Variants in GPC5 observed in about 807,000 individuals in gnomAD.
GPC5 encodes glypican 5.
GPC5 carries 47 observed loss-of-function variants against 53.9 expected under a neutral mutation model. The observed-to-expected ratio is 0.87, with a 90% CI of 0.69 to 1.11. GPC5 has a LOEUF of 1.11. GPC5 is among the 50% of genes most tolerant of loss of function. The probability of loss-of-function intolerance (pLI) is 0.00; values close to 1 mark genes in which losing one functional copy is unlikely to be tolerated. For missense variants in GPC5, 748 were observed against 713.1 expected, an observed-to-expected ratio of 1.05 and a Z score of -0.56; for synonymous variants, 286 against 263.3, an observed-to-expected ratio of 1.09 and a Z score of -0.84.
chr13:91,404,711 A>G (rs1486672116), intron 1 of GPC5, among the ~76,000 whole-genome samples: 1 of 152,240 alleles, frequency 6.6e-6, no homozygotes, highest in South Asian at 2.1e-4. Flanking sequence ...GTGTACCTTT[A>G]TAGAAAGAAA....
At chr13:91,640,272 G>T (rs1283995502) in intron 2 of GPC5, among the ~76,000 whole-genome samples, 1 of 152,036 alleles carries the variant, frequency 6.6e-6, no homozygotes, top group Non-Finnish European at 1.5e-5. Flanking sequence ...AATCTACAAT[G>T]AACTTAAACA....
intron 7 of GPC5, among the ~76,000 whole-genome samples, chr13:92,629,208 C>T (rs561317857): frequency 2.6e-5 from 4 of 152,294 alleles, no homozygotes; most frequent in Middle Eastern, 3.4e-3. Context: ...GAAATGGTAA[C>T]TCAAATCCTT....
At chr13:91,608,406 A>T (rs887560028) in intron 2 of GPC5, among the ~76,000 whole-genome samples, 1 of 152,220 alleles carries the variant, frequency 6.6e-6, no homozygotes, top group Non-Finnish European at 1.5e-5. Context: ...AGGAGAGTAG[A>T]CTTCATTTCC....
chr13:91,447,606 G>A (rs899231357), intron 1 of GPC5, among the ~76,000 whole-genome samples: 2 of 152,050 alleles, frequency 1.3e-5, no homozygotes, highest in African/African-American at 4.8e-5. Context: ...ACCAACTTTT[G>A]GAAATTTGAG....
At chr13:91,545,512 T>A (rs1447603991) in intron 2 of GPC5, among the ~76,000 whole-genome samples, 1 of 152,144 alleles carries the variant, frequency 6.6e-6, no homozygotes, top group Non-Finnish European at 1.5e-5. Context: ...TTTTCATAAA[T>A]TTTTTTCATT....
chr13:91,536,751 T>G (rs1407889133), intron 2 of GPC5, among the ~76,000 whole-genome samples: 1 of 152,184 alleles, frequency 6.6e-6, no homozygotes, highest in Non-Finnish European at 1.5e-5. Context: ...TTTAACTAGA[T>G]TGCCTTTGCC....
At chr13:91,709,103 T>A (rs947470661) in intron 3 of GPC5, among the ~76,000 whole-genome samples, 3 of 152,186 alleles carry the variant, frequency 2.0e-5, no homozygotes, top group Non-Finnish European at 2.9e-5. Flanking sequence ...GTATATTGAG[T>A]GTTTACAGTG....
At position 91,732,726 on chromosome 13, in the gene GPC5, A is replaced by G. The variant is rs549329971; in HGVS notation, c.1154+4061A>G. On this transcript the variant is annotated intron_variant, in intron 4 of 7. Coordinates refer to ENST00000377067, the MANE Select transcript of GPC5 (RefSeq NM_004466.6). ...GGGTGTAAGGAAGGGGTCCAGTTTC[A>G]GTTTTCTGCATATTGTTAGCCAGTT... Among the ~76,000 whole-genome samples, 12 of 152,250 alleles carry G rather than the reference A, an allele frequency of 7.9e-5. No homozygotes were observed. In the East Asian group the frequency reaches 2.3e-3, roughly 29 times the overall value.
intron 6 of GPC5, among the ~76,000 whole-genome samples, chr13:91,954,802 C>T (rs1180139298): frequency 1.3e-5 from 2 of 151,962 alleles, no homozygotes; most frequent in Admixed American, 1.3e-4. Flanking sequence ...GAAATAAAAT[C>T]ACTCTTACTG....
chr13:91,451,636 G>A (rs1258363312), intron 2 of GPC5, among the ~76,000 whole-genome samples: 1 of 147,696 alleles, frequency 6.8e-6, no homozygotes, highest in African/African-American at 2.5e-5. Context: ...TTTTTTCCCC[G>A]AGGTGGAGTC....
At chr13:91,628,181 G>T (rs1018629878) in intron 2 of GPC5, among the ~76,000 whole-genome samples, 2 of 152,020 alleles carry the variant, frequency 1.3e-5, no homozygotes, top group African/African-American at 4.8e-5. Context: ...TCTGAACTTT[G>T]CCATAACGTG....
intron 6 of GPC5, among the ~76,000 whole-genome samples, chr13:91,919,946 A>G (rs1346129827): frequency 2.6e-5 from 4 of 152,196 alleles, no homozygotes; most frequent in Admixed American, 2.6e-4. Flanking sequence ...CAATAATTCC[A>G]TGTACTGACT....
At chr13:91,993,514 T>C (rs1293612456) in intron 6 of GPC5, among the ~76,000 whole-genome samples, 4 of 152,188 alleles carry the variant, frequency 2.6e-5, no homozygotes, top group South Asian at 4.1e-4. Flanking sequence ...GATAATTTCA[T>C]TCAAACTTAT....
chr13:91,841,888 G>A (rs2038791951), intron 5 of GPC5, among the ~76,000 whole-genome samples: 1 of 152,122 alleles, frequency 6.6e-6, no homozygotes, highest in Admixed American at 6.6e-5. Flanking sequence ...GTGTTTTTGA[G>A]ATATTTTAGT....
chr13:91,705,883 CTTTT>C (rs11411010), intron 3 of GPC5, among the ~76,000 whole-genome samples: 1 of 134,266 alleles, frequency 7.4e-6, no homozygotes, highest in Non-Finnish European at 1.6e-5. Context: ...TCTTTCTTTT[CTTTT>C]TTTTTTTTTT....
intron 7 of GPC5, among the ~76,000 whole-genome samples, chr13:92,428,193 C>G (rs906441350): frequency 6.6e-6 from 1 of 152,114 alleles, no homozygotes; most frequent in African/African-American, 2.4e-5. Context: ...CACATGGTCT[C>G]TATCAGAATG....
At chr13:91,925,881 A>G (rs1218619665) in intron 6 of GPC5, among the ~76,000 whole-genome samples, 1 of 152,230 alleles carries the variant, frequency 6.6e-6, no homozygotes, top group Admixed American at 6.5e-5. Context: ...GGAATGGAGA[A>G]TAAACTGGTT....
At position 92,160,599 on chromosome 13, in the gene GPC5, G is replaced by A. The variant is rs537915794; in HGVS notation, c.1561+15610G>A. On this transcript the variant is annotated intron_variant, in intron 7 of 7. Coordinates refer to ENST00000377067, the MANE Select transcript of GPC5 (RefSeq NM_004466.6). ...GGAAAATCATCCCTTGAACCATTAAGTCTTTGATGAAATTTGGCATTGAGT... is the reference window on the plus strand; with the variant it reads ...GGAAAATCATCCCTTGAACCATTAAATCTTTGATGAAATTTGGCATTGAGT... 2.6e-4 allele frequency among the ~76,000 whole-genome samples: 40 copies of A among 152,258 alleles called. 2 individuals are homozygous for A. In the South Asian group the frequency reaches 5.6e-3, roughly 21 times the overall value.
At chr13:92,361,211 A>C (rs2139281552) in intron 7 of GPC5, among the ~76,000 whole-genome samples, 1 of 151,914 alleles carries the variant, frequency 6.6e-6, no homozygotes, top group South Asian at 2.1e-4. Flanking sequence ...TGGATGCTAA[A>C]GAAAACCTTT....
Sources: gnomAD v4.1 joint callset for allele counts (sites outside exome capture counted in the v4.1 genomes callset) on GRCh38, gnomAD v4.1.1 for gene constraint, MANE v1.5 for transcripts, NCBI Gene and HGNC (gene_info 2026-07-23, HGNC 2026-07-21) for gene names.